Variants in COMMD10 observed in about 807,000 individuals in gnomAD.
COMMD10 encodes the protein COMM domain-containing protein 10.
Under a neutral mutation model 28.9 loss-of-function variants are expected in COMMD10, and 33 were observed. The ratio of observed to expected loss-of-function variants is 1.14; its 90% CI spans 0.87 to 1.53. COMMD10 has a LOEUF of 1.53. Among genes scored for constraint, COMMD10 ranks in the 40% most tolerant of loss-of-function variants. COMMD10 has a pLI of 0.00. For missense variants in COMMD10, 310 were observed against 233.4 expected, an observed-to-expected ratio of 1.33 and a Z score of -2.14; for synonymous variants, 110 against 81.7, an observed-to-expected ratio of 1.35 and a Z score of -1.87.
intron 5 of COMMD10, among the ~76,000 whole-genome samples, chr5:116,245,305 G>A (rs1749912839): frequency 6.6e-6 from 1 of 151,926 alleles, no homozygotes; most frequent in African/African-American, 2.4e-5. Flanking sequence ...GGAAGAAACT[G>A]GATCTCTAAA....
At chr5:116,166,047 G>T (rs1027278330) in intron 5 of COMMD10, among the ~76,000 whole-genome samples, 4 of 152,090 alleles carry the variant, frequency 2.6e-5, no homozygotes, top group Non-Finnish European at 5.9e-5. Flanking sequence ...CAACTATCCT[G>T]TATTGCTTGT....
At chr5:116,244,660 C>CAAAAAAAAAAAAAAAAAAAAAAAAAAAAA (rs60360733) in intron 5 of COMMD10, among the ~76,000 whole-genome samples, 5 of 79,472 alleles carry the variant, frequency 6.3e-5, no homozygotes, top group Non-Finnish European at 1.2e-4. Context: ...AAAAAAATTA[C>CAAAAAAAAAAAAAAAAAAAAAAAAAAAAA]AAAAAAAAAA....
chr5:116,156,261 T>C (rs1305667021), intron 5 of COMMD10, among the ~76,000 whole-genome samples: 1 of 152,170 alleles, frequency 6.6e-6, no homozygotes, highest in Non-Finnish European at 1.5e-5. Flanking sequence ...GGGTTTGTTA[T>C]CACACTGTCT....
chr5:116,162,173 A>C (rs879799765), intron 5 of COMMD10, among the ~76,000 whole-genome samples: 2 of 152,206 alleles, frequency 1.3e-5, no homozygotes, highest in South Asian at 2.1e-4. Context: ...CTATAAATAG[A>C]TAAGTACAAT....
intron 5 of COMMD10, among the ~76,000 whole-genome samples, chr5:116,164,451 A>C (rs1032487840): frequency 6.6e-6 from 1 of 152,230 alleles, no homozygotes; most frequent in African/African-American, 2.4e-5. Context: ...AGGTAATTCT[A>C]TAATTAATTT....
chr5:116,241,045 TA>T (rs1749793904), intron 5 of COMMD10, among the ~76,000 whole-genome samples: 1 of 152,210 alleles, frequency 6.6e-6, no homozygotes, highest in Non-Finnish European at 1.5e-5. Context: ...CCAGTAAGAT[TA>T]AGTGACTAGT....
chr5:116,118,828 A>G (rs897155800), intron 4 of COMMD10, among the ~76,000 whole-genome samples: 1 of 152,216 alleles, frequency 6.6e-6, no homozygotes, highest in Non-Finnish European at 1.5e-5. Flanking sequence ...GAGACCCTTA[A>G]TCAGTCTTAT....
At chr5:116,236,937 C>G (rs187869991) in intron 5 of COMMD10, among the ~76,000 whole-genome samples, 1 of 151,650 alleles carries the variant, frequency 6.6e-6, no homozygotes, top group African/African-American at 2.4e-5. Flanking sequence ...AATTTTGCTG[C>G]GAAACTAAAG....
At chr5:116,267,289 T>TCCTA (rs1459385694) in intron 5 of COMMD10, among the ~76,000 whole-genome samples, 1 of 151,838 alleles carries the variant, frequency 6.6e-6, no homozygotes, top group East Asian at 1.9e-4. Context: ...TCACAAGCAT[T>TCCTA]CCTATACACC....
intron 5 of COMMD10, among the ~76,000 whole-genome samples, chr5:116,217,086 T>C (rs1749122795): frequency 6.6e-6 from 1 of 152,028 alleles, no homozygotes; most frequent in Non-Finnish European, 1.5e-5. Flanking sequence ...AAAATAATTT[T>C]TAAATTCTAA....
intron 5 of COMMD10, among the ~76,000 whole-genome samples, chr5:116,151,550 A>T (rs1297463079): frequency 1.3e-5 from 2 of 152,198 alleles, no homozygotes; most frequent in Admixed American, 1.3e-4. Flanking sequence ...TTATTGGTCT[A>T]TTCAGAGAGT....
intron 5 of COMMD10, among the ~76,000 whole-genome samples, chr5:116,228,148 A>G (rs1021832801): frequency 6.6e-6 from 1 of 151,966 alleles, no homozygotes; most frequent in South Asian, 2.1e-4. Flanking sequence ...TTTAAATTAG[A>G]AAAAATATCT....
chr5:116,237,521 A>C (rs1269757906), intron 5 of COMMD10, among the ~76,000 whole-genome samples: 1 of 152,168 alleles, frequency 6.6e-6, no homozygotes, highest in African/African-American at 2.4e-5. Context: ...CGTTACAGAA[A>C]AAAAATTGCC....
At chr5:116,213,638 A>G (rs990162380) in intron 5 of COMMD10, among the ~76,000 whole-genome samples, 1 of 152,154 alleles carries the variant, frequency 6.6e-6, no homozygotes, top group Non-Finnish European at 1.5e-5. Context: ...AGTCTTTTAC[A>G]TTGAGTTACC....
chr5:116,130,405 C>G (rs11241365), intron 4 of COMMD10, among the ~76,000 whole-genome samples: 2 of 151,546 alleles, frequency 1.3e-5, no homozygotes, highest in Admixed American at 6.6e-5. Context: ...TTTCTGTTAT[C>G]CGGGGACTGA....
intron 5 of COMMD10, among the ~76,000 whole-genome samples, chr5:116,150,408 C>T (rs1188880625): frequency 3.9e-5 from 6 of 152,082 alleles, no homozygotes; most frequent in Non-Finnish European, 8.8e-5. Flanking sequence ...TCACTGGTAG[C>T]TTGATGGGGA....
At chr5:116,134,682 G>A (rs1312983091) in intron 5 of COMMD10, among the ~76,000 whole-genome samples, 2 of 152,036 alleles carry the variant, frequency 1.3e-5, no homozygotes, top group African/African-American at 4.8e-5. Context: ...GTGCAGTGGC[G>A]CGATCTCGGC....
In COMMD10 at chr5:116,168,434, A is replaced by T. The variant is rs543795355; in HGVS notation, c.510+34256A>T. ...TCGATATTAGATCAATGGGACAAAA[A>T]ATTAATAAGGATACTTAGGACTTGA... On this transcript the variant is annotated intron_variant, in intron 5 of 6. Coordinates refer to ENST00000274458, the MANE Select transcript of COMMD10 (RefSeq NM_016144.4). 1.5e-4 allele frequency among the ~76,000 whole-genome samples: 23 copies of T among 152,238 alleles called. No homozygotes were observed. The South Asian group carries it at 4.8e-3, about 32-fold the overall frequency.
intron 5 of COMMD10, among the ~76,000 whole-genome samples, chr5:116,284,380 A>C (rs550768499): frequency 1.3e-5 from 2 of 151,946 alleles, no homozygotes; most frequent in Middle Eastern, 3.4e-3. Flanking sequence ...TTAGATAGAT[A>C]TACTTTGGTT....
Sources: allele counts gnomAD v4.1 joint callset (sites outside exome capture counted in the v4.1 genomes callset), GRCh38; gene constraint gnomAD v4.1.1; transcripts MANE v1.5; gene names NCBI Gene and HGNC (gene_info 2026-07-23, HGNC 2026-07-21).